The following APBB2 variants were observed in gnomAD, a reference collection of about 807,000 sequenced individuals.
APBB2 encodes the protein Fe65-like 1.
In APBB2, 38 loss-of-function variants were observed where a neutral mutation model predicts 82.5. That is an observed-to-expected ratio of 0.46 (90% CI 0.36 to 0.60). APBB2 has a LOEUF of 0.60. APBB2 is among the 20% of genes least tolerant of loss of function. The pLI is 0.00. For synonymous variants in APBB2, 341 were observed against 368.2 expected (o/e 0.93, Z 0.85); for missense variants, 772 against 972.3 (o/e 0.79, Z 2.74).
intron 2 of APBB2, among the ~76,000 whole-genome samples, chr4:41,108,577 T>C (rs1287222910): frequency 6.6e-6 from 1 of 152,220 alleles, no homozygotes; most frequent in Non-Finnish European, 1.5e-5. Flanking sequence ...TTTCCCATCC[T>C]GGTGAGAAAC....
At position 41,131,688 on chromosome 4, in the gene APBB2, A is replaced by C. The variant is rs369442453; in HGVS notation, c.-261+11299T>G. Reference sequence around the variant, plus strand: ...GGTATTTAACAAACCATTTTAGGAAAATACGTTTCTAAAATTCTTATGAAA... The same window carrying C: ...GGTATTTAACAAACCATTTTAGGAACATACGTTTCTAAAATTCTTATGAAA... On this transcript the variant is annotated intron_variant, in intron 2 of 17. Coordinates refer to ENST00000508593, the MANE Select transcript of APBB2 (RefSeq NM_004307.2). Among the ~76,000 whole-genome samples the C allele has an allele frequency of 2.0e-5, 3 of 152,330 alleles. No individual in the cohort carries two copies. In the East Asian group the frequency reaches 5.8e-4, roughly 29 times the overall value.
chr4:41,117,497 T>C (rs995320721), intron 2 of APBB2, among the ~76,000 whole-genome samples: 1 of 152,112 alleles, frequency 6.6e-6, no homozygotes, highest in African/African-American at 2.4e-5. Context: ...TTCACCATCT[T>C]GGCCAGGCTG....
At chr4:40,818,393 C>T (rs1257509588) in intron 17 of APBB2, among the ~76,000 whole-genome samples, 1 of 152,018 alleles carries the variant, frequency 6.6e-6, no homozygotes, top group Non-Finnish European at 1.5e-5. Context: ...ATCAGAAAAC[C>T]AACTGTAGCC....
At chr4:40,914,677 C>G (rs569956041) in intron 10 of APBB2, among the ~76,000 whole-genome samples, 3 of 152,306 alleles carry the variant, frequency 2.0e-5, no homozygotes, top group Non-Finnish European at 2.9e-5. Flanking sequence ...CTTGCAGGAA[C>G]CTAACTCTGT....
chr4:40,981,161 T>A (rs926692187), intron 6 of APBB2, among the ~76,000 whole-genome samples: 7 of 152,146 alleles, frequency 4.6e-5, no homozygotes, highest in Admixed American at 4.6e-4. Flanking sequence ...AGAATTAGCT[T>A]TGGGAGGCTG....
intron 10 of APBB2, among the ~76,000 whole-genome samples, chr4:40,895,239 C>T (rs567458789): frequency 5.9e-5 from 9 of 152,284 alleles, no homozygotes; most frequent in South Asian, 2.1e-4. Context: ...GCAAACAGTG[C>T]GCTGATCCTC....
chr4:41,182,316 T>C lies in APBB2; in HGVS notation c.-417+32089A>G, dbSNP rs78859356. On this transcript the variant is annotated intron_variant, in intron 1 of 17. Transcript: ENST00000508593. ...CCAAAGCCAATGGTCAATTTGAACC[T>C]TCATTCTACTGAATGATTACTCTAA... Among the ~76,000 whole-genome samples, 1,270 of 152,344 alleles carry C rather than the reference T, an allele frequency of 8.3e-3. 63 individuals are homozygous for C. Among genetic ancestry groups the C allele is most frequent in the Admixed American group, 0.064 (976 of 15,300 alleles).
chr4:40,863,283 G>A (rs1355852096), intron 12 of APBB2, among the ~76,000 whole-genome samples: 1 of 152,208 alleles, frequency 6.6e-6, no homozygotes. Flanking sequence ...GTACATTTCT[G>A]AGGGTCATAT....
chr4:40,924,322 G>A (rs62410335), intron 10 of APBB2, among the ~76,000 whole-genome samples: 21,684 of 152,230 alleles, frequency 0.14, 1,980 homozygotes, highest in Middle Eastern at 0.2. Flanking sequence ...TTGAATGACT[G>A]AAATGTGGGA....
At chr4:40,939,461 G>A (rs1016065102) in intron 7 of APBB2, among the ~76,000 whole-genome samples, 1 of 152,182 alleles carries the variant, frequency 6.6e-6, no homozygotes, top group African/African-American at 2.4e-5. Flanking sequence ...AAAGGGTTAC[G>A]AATCATGTCT....
chr4:41,048,771 TGCCTGATTC>T (rs930527648), intron 4 of APBB2, among the ~76,000 whole-genome samples: 9 of 151,696 alleles, frequency 5.9e-5, no homozygotes, highest in Non-Finnish European at 1.3e-4. Flanking sequence ...GCAACCTCCC[TGCCTGATTC>T]TCCTGCCTCA....
chr4:41,034,471 C>T (rs1300331470), intron 4 of APBB2, among the ~76,000 whole-genome samples: 5 of 152,078 alleles, frequency 3.3e-5, no homozygotes, highest in Non-Finnish European at 7.4e-5. Context: ...ATTACAGGCG[C>T]GCATCACCAC....
At chr4:41,053,709 T>C (rs1247528016) in intron 4 of APBB2, among the ~76,000 whole-genome samples, 1 of 152,116 alleles carries the variant, frequency 6.6e-6, no homozygotes, top group Non-Finnish European at 1.5e-5. Flanking sequence ...AAAAAGGCCA[T>C]AAGGAAGATA....
intron 12 of APBB2, among the ~76,000 whole-genome samples, chr4:40,872,002 A>G (rs1319693520): frequency 6.6e-6 from 1 of 152,248 alleles, no homozygotes; most frequent in Non-Finnish European, 1.5e-5. Flanking sequence ...TGTGCTGTGA[A>G]GATTCACTCC....
chr4:41,121,602 C>T (rs1752843325), intron 2 of APBB2, among the ~76,000 whole-genome samples: 1 of 152,206 alleles, frequency 6.6e-6, no homozygotes, highest in African/African-American at 2.4e-5. Context: ...TACTCTGCCA[C>T]CGTGTTGTGT....
intron 6 of APBB2, among the ~76,000 whole-genome samples, chr4:40,968,091 C>A (rs1476085715): frequency 3.3e-5 from 5 of 152,214 alleles, no homozygotes; most frequent in African/African-American, 7.2e-5. Flanking sequence ...GTGTGCCAGG[C>A]ACTGTTGTTC....
intron 6 of APBB2, among the ~76,000 whole-genome samples, chr4:40,975,791 A>ACACACAC (rs1797043668): frequency 5.1e-5 from 4 of 78,782 alleles, no homozygotes; most frequent in South Asian, 4.4e-4. Context: ...CACACACACA[A>ACACACAC]CAACCACTCT....
chr4:40,965,575 ATATT>A (rs1382290670), intron 6 of APBB2, among the ~76,000 whole-genome samples: 5 of 152,212 alleles, frequency 3.3e-5, no homozygotes, highest in African/African-American at 1.2e-4. Context: ...TAAAATAATA[ATATT>A]TATATGGATT....
chr4:41,111,951 GA>G (rs1332772076), intron 2 of APBB2, among the ~76,000 whole-genome samples: 1 of 152,166 alleles, frequency 6.6e-6, no homozygotes, highest in Non-Finnish European at 1.5e-5. Context: ...AGGGCAGATA[GA>G]AAAAAACCAG....
Sources: allele counts gnomAD v4.1 joint callset (sites outside exome capture counted in the v4.1 genomes callset), GRCh38; gene constraint gnomAD v4.1.1; transcripts MANE v1.5; gene names NCBI Gene and HGNC (gene_info 2026-07-23, HGNC 2026-07-21).